Variants in VAC14 observed in about 807,000 individuals in gnomAD.
VAC14 encodes the protein protein VAC14 homolog.
In VAC14, 47 loss-of-function variants were observed where a neutral mutation model predicts 85.3. The observed-to-expected ratio is 0.55, with a 90% CI of 0.44 to 0.70. The LOEUF (loss-of-function observed/expected upper bound fraction) is 0.70, where lower values mean the gene tolerates loss of function less well. Ranked by LOEUF, VAC14 falls within the 30% of genes least tolerant of loss-of-function variation. The probability of loss-of-function intolerance (pLI) is 0.00; values close to 1 mark genes in which losing one functional copy is unlikely to be tolerated. For missense variants in VAC14, 861 were observed against 1,004.3 expected (o/e 0.86, Z 1.93); for synonymous variants, 447 against 430.5 (o/e 1.04, Z -0.47).
At chr16:70,729,367 C>T (rs2054522062) in intron 14 of VAC14, among the ~76,000 whole-genome samples, 2 of 152,190 alleles carry the variant, frequency 1.3e-5, no homozygotes, top group African/African-American at 4.8e-5. Context: ...AGCCCTGTCC[C>T]CCACTGTGGT....
At chr16:70,706,949 C>T (rs922483826) in intron 14 of VAC14, among the ~76,000 whole-genome samples, 1 of 152,212 alleles carries the variant, frequency 6.6e-6, no homozygotes, top group African/African-American at 2.4e-5. Context: ...CTACAAACTA[C>T]AGAGAAGGCC....
intron 18 of VAC14, chr16:70,689,424 G>C (rs1372853229): frequency 1.0e-6 from 1 of 985,242 alleles, no homozygotes. Flanking sequence ...TTGGCCATGA[G>C]TTCAGTCCAG....
intron 12 of VAC14, among the ~76,000 whole-genome samples, chr16:70,752,605 C>G (rs904964327): frequency 1.3e-5 from 2 of 152,252 alleles, no homozygotes; most frequent in African/African-American, 4.8e-5. Context: ...AGGAGATAAG[C>G]CTAGGGGCCA....
At chr16:70,758,718 A>C (rs1266049187) in intron 12 of VAC14, among the ~76,000 whole-genome samples, 2 of 152,208 alleles carry the variant, frequency 1.3e-5, no homozygotes, top group Non-Finnish European at 2.9e-5. Context: ...CACCTCCCAA[A>C]CAGGGACCCA....
At chr16:70,742,130 T>C (rs1195677423) in intron 13 of VAC14, among the ~76,000 whole-genome samples, 2 of 152,228 alleles carry the variant, frequency 1.3e-5, no homozygotes, top group Admixed American at 6.5e-5. Context: ...CTGGGTGTCC[T>C]GGCCCTGTCA....
intron 18 of VAC14, chr16:70,690,296 G>C: frequency 1.4e-5 from 14 of 985,508 alleles, no homozygotes; most frequent in Non-Finnish European, 1.7e-5. Context: ...GCTGAGCACA[G>C]AGGCCAGGCC....
intron 9 of VAC14, among the ~76,000 whole-genome samples, chr16:70,776,103 G>A (rs1446458645): frequency 6.6e-6 from 1 of 152,054 alleles, no homozygotes; most frequent in East Asian, 1.9e-4. Context: ...AACTATTGTA[G>A]CATTTTTTGT....
chr16:70,776,529 A>G (rs2033526880), intron 9 of VAC14, among the ~76,000 whole-genome samples: 1 of 152,222 alleles, frequency 6.6e-6, no homozygotes, highest in Admixed American at 6.5e-5. Flanking sequence ...TAATGACAAA[A>G]TACATTGCAA....
intron 14 of VAC14, among the ~76,000 whole-genome samples, chr16:70,704,378 G>A (rs1413244257): frequency 6.6e-6 from 1 of 152,200 alleles, no homozygotes; most frequent in African/African-American, 2.4e-5. Context: ...TGGGTTGGGG[G>A]CAGGGGCCAC....
At chr16:70,761,387 G>C (rs2032370411) in intron 12 of VAC14, 1 of 206,996 alleles carries the variant, frequency 4.8e-6, no homozygotes, top group Admixed American at 6.1e-5. Flanking sequence ...ACAGTGCCTT[G>C]GCGCTCAGAA....
Position 70,692,866 on chromosome 16 carries a change from G to A in VAC14, c.2141C>T (p.Ser714Leu), listed in dbSNP as rs755516693. The A allele has an allele frequency of 7.2e-5, 116 of 1,605,398 alleles. No homozygotes were observed. The highest frequency in any genetic ancestry group is 3.4e-4 in the Middle Eastern group (2 of 5,952). ...GTTGGGCACGCACTGGAGCCGGTGC[G>A]AGAGCAGCTGGAAGGCGCTGCTCTG... ...LPQSSAFQLLSHRLQCVPNPE... is the reference protein window; with the variant it reads ...LPQSSAFQLLLHRLQCVPNPE... The change falls in exon 18 of 19, where the codon TCG becomes TTG. Residue 714 changes from serine to leucine, a missense_variant. Ser to Leu is a moderately radical substitution (Grantham distance 145, BLOSUM62 -2). Coordinates refer to ENST00000261776, the MANE Select transcript of VAC14 (RefSeq NM_018052.5).
intron 9 of VAC14, among the ~76,000 whole-genome samples, chr16:70,775,604 T>C (rs888045870): frequency 3.3e-5 from 5 of 152,172 alleles, no homozygotes; most frequent in Admixed American, 2.6e-4. Context: ...CTGGGCCCGC[T>C]CAGATGCTCG....
chr16:70,739,125 T>C (rs575724655), intron 13 of VAC14, among the ~76,000 whole-genome samples: 5 of 152,092 alleles, frequency 3.3e-5, no homozygotes, highest in African/African-American at 1.2e-4. Context: ...ATGTGGGAGC[T>C]CACAGAGCCC....
rs2033269214 is a variant in VAC14 at position 70,772,163 on chromosome 16, T to A, written c.1106A>T (p.Asp369Val). The change falls in exon 10 of 19, where the codon GAT (aspartate) becomes GTT (valine). Residue 369 changes from aspartate (D) to valine (V), a missense_variant. By Grantham distance (152) the Asp-to-Val change is radical. Coordinates refer to ENST00000261776, the MANE Select transcript of VAC14 (RefSeq NM_018052.5). ...ACTGAAGCTGGAGTCACAGGAACCA[T>A]CTGGACCTCCTGGGAGAGGAAGAGG... ...KQEGTASGGPDGSCDSSFSSG... is the reference protein window; with the variant it reads ...KQEGTASGGPVGSCDSSFSSG... 1.2e-6 allele frequency: 2 copies of A among 1,613,904 alleles called. No individual in the cohort carries two copies. Among genetic ancestry groups the A allele is most frequent in the African/African-American group, 2.7e-5 (2 of 74,894 alleles).
chr16:70,750,263 A>G (rs1177721888), intron 12 of VAC14, among the ~76,000 whole-genome samples: 5 of 152,244 alleles, frequency 3.3e-5, no homozygotes, highest in African/African-American at 1.2e-4. Context: ...GAAAAGGCTC[A>G]AAGAAAGCGG....
At chr16:70,781,037 G>C (rs2033787438) in intron 8 of VAC14, 98 bp from the exon 9 acceptor site, 5 of 1,538,468 alleles carry the variant, frequency 3.2e-6, no homozygotes, top group Non-Finnish European at 4.4e-6. Flanking sequence ...GTGGGGCCTG[G>C]TGGGAGGGGT....
At chr16:70,743,049 G>C (rs1233671590) in intron 13 of VAC14, among the ~76,000 whole-genome samples, 1 of 151,622 alleles carries the variant, frequency 6.6e-6, no homozygotes, top group Admixed American at 6.6e-5. Context: ...AATCAGCACT[G>C]TGTGTCTAAA....
intron 12 of VAC14, chr16:70,756,190 G>C (rs1225654003): frequency 3.2e-5 from 14 of 432,554 alleles, no homozygotes; most frequent in South Asian, 2.0e-4. Flanking sequence ...CAGGAAGCCA[G>C]GCAGCCTCAC....
chr16:70,703,676 C>G (rs2053871081), intron 14 of VAC14, among the ~76,000 whole-genome samples: 1 of 152,218 alleles, frequency 6.6e-6, no homozygotes, highest in South Asian at 2.1e-4. Flanking sequence ...ACAGCTGCTC[C>G]CCCTTCCAGG....
Sources: gnomAD v4.1 joint callset for allele counts (sites outside exome capture counted in the v4.1 genomes callset) on GRCh38, gnomAD v4.1.1 for gene constraint, MANE v1.5 for transcripts, NCBI Gene and HGNC (gene_info 2026-07-23, HGNC 2026-07-21) for gene names.